Variants in PTPRD observed in about 807,000 individuals in gnomAD.
PTPRD encodes receptor-type tyrosine-protein phosphatase delta.
A neutral mutation model predicts 214.5 loss-of-function variants in PTPRD; 34 were observed. That is an observed-to-expected ratio of 0.16 (90% CI 0.12 to 0.21). The LOEUF is 0.21. PTPRD is among the 10% of genes least tolerant of loss of function. The pLI is 1.00. For missense variants in PTPRD, 2,545 were observed against 2,398.7 expected, an observed-to-expected ratio of 1.06 and a Z score of -1.27; for synonymous variants, 1,128 against 845.7, an observed-to-expected ratio of 1.33 and a Z score of -5.79.
At chr9:8,706,578 T>C (rs140489291) in intron 12 of PTPRD, among the ~76,000 whole-genome samples, 8 of 152,228 alleles carry the variant, frequency 5.3e-5, no homozygotes, top group African/African-American at 1.7e-4. Context: ...AGAGCGATTA[T>C]CCCAAGGCTC....
intron 11 of PTPRD, among the ~76,000 whole-genome samples, chr9:8,744,112 G>T (rs1175933764): frequency 6.6e-6 from 1 of 152,102 alleles, no homozygotes; most frequent in Non-Finnish European, 1.5e-5. Flanking sequence ...CCTCGGTCCT[G>T]CAACAATGGT....
At chr9:8,448,736 T>G (rs1324110825) in intron 34 of PTPRD, among the ~76,000 whole-genome samples, 1 of 152,302 alleles carries the variant, frequency 6.6e-6, no homozygotes, top group East Asian at 1.9e-4. Flanking sequence ...AGAGAAAATA[T>G]GCTGAACATA....
chr9:9,656,159 T>C (rs2154376470), intron 7 of PTPRD, among the ~76,000 whole-genome samples: 1 of 152,300 alleles, frequency 6.6e-6, no homozygotes, highest in Non-Finnish European at 1.5e-5. Context: ...GAAATTATCA[T>C]TTATTTCCAG....
chr9:10,178,038 C>A (rs2099259679), intron 3 of PTPRD, among the ~76,000 whole-genome samples: 1 of 151,848 alleles, frequency 6.6e-6, no homozygotes, highest in Admixed American at 6.6e-5. Context: ...CTTAGTGAAT[C>A]ATTACTTGCA....
intron 11 of PTPRD, among the ~76,000 whole-genome samples, chr9:8,965,377 T>A (rs1335037810): frequency 7.1e-6 from 1 of 141,152 alleles, no homozygotes; most frequent in South Asian, 2.4e-4. Flanking sequence ...AATACTCTGC[T>A]TCAGAAAAAA....
At chr9:8,696,301 C>T (rs923629948) in intron 12 of PTPRD, among the ~76,000 whole-genome samples, 2 of 152,202 alleles carry the variant, frequency 1.3e-5, no homozygotes, top group African/African-American at 4.8e-5. Flanking sequence ...AGGAGTAAAT[C>T]ATCTTCAGTG....
At chr9:8,343,523 T>C (rs560819785) in intron 39 of PTPRD, among the ~76,000 whole-genome samples, 29 of 152,002 alleles carry the variant, frequency 1.9e-4, no homozygotes, top group African/African-American at 6.8e-4. Flanking sequence ...ATCCATGAAG[T>C]CTCATTTTAT....
chr9:10,453,979 C>T lies in PTPRD; in HGVS notation c.-599-112962G>A, dbSNP rs577474866. Among the ~76,000 whole-genome samples, 8 of 151,568 alleles carry T rather than the reference C, an allele frequency of 5.3e-5. No homozygotes were observed. The South Asian group carries it at 1.7e-3, about 32-fold the overall frequency. Reference sequence around the variant, plus strand: ...TGTTGAGGTTACCCCAAACAATAGGCTGGTATTTAAAGTTCTTTTGTGATT... The same window carrying T: ...TGTTGAGGTTACCCCAAACAATAGGTTGGTATTTAAAGTTCTTTTGTGATT... On this transcript the variant is annotated intron_variant, in intron 2 of 45. Coordinates refer to ENST00000381196, the MANE Select transcript of PTPRD (RefSeq NM_002839.4).
At chr9:9,424,170 G>A (rs926717288) in intron 8 of PTPRD, among the ~76,000 whole-genome samples, 1 of 152,188 alleles carries the variant, frequency 6.6e-6, no homozygotes, top group Non-Finnish European at 1.5e-5. Context: ...AGAGCTGCCC[G>A]TGGAATGGCT....
intron 7 of PTPRD, among the ~76,000 whole-genome samples, chr9:9,619,206 A>G (rs2095085503): frequency 6.6e-6 from 1 of 152,222 alleles, no homozygotes; most frequent in South Asian, 2.1e-4. Context: ...AAGAAAGGTG[A>G]CAGCTATAGT....
chr9:9,108,034 CCTCATGT>C (rs2099801108), intron 10 of PTPRD, among the ~76,000 whole-genome samples: 1 of 152,064 alleles, frequency 6.6e-6, no homozygotes, highest in Non-Finnish European at 1.5e-5. Context: ...CATGCTTCTT[CCTCATGT>C]CTTTGAAATC....
chr9:8,813,772 C>T (rs2096865165), intron 11 of PTPRD, among the ~76,000 whole-genome samples: 1 of 152,166 alleles, frequency 6.6e-6, no homozygotes, highest in Non-Finnish European at 1.5e-5. Flanking sequence ...TTGCTGAGTT[C>T]CTGAGCTACT....
At chr9:9,524,035 T>G (rs1294198957) in intron 8 of PTPRD, among the ~76,000 whole-genome samples, 1 of 152,122 alleles carries the variant, frequency 6.6e-6, no homozygotes, top group African/African-American at 2.4e-5. Context: ...GGGCAGTGAA[T>G]GCAAAACAGA....
chr9:8,341,302 C>G, intron 40 of PTPRD, 34 bp from the exon 41 acceptor site: 1 of 1,541,510 alleles, frequency 6.5e-7, no homozygotes, highest in Non-Finnish European at 8.7e-7. Flanking sequence ...AGGAAAAACC[C>G]AACAAAGATC....
At chr9:9,861,203 A>T (rs1391124930) in intron 5 of PTPRD, among the ~76,000 whole-genome samples, 1 of 152,196 alleles carries the variant, frequency 6.6e-6, no homozygotes, top group Non-Finnish European at 1.5e-5. Context: ...ATATTCTATT[A>T]CCCCACTGAG....
chr9:9,521,337 G>A (rs184858431), intron 8 of PTPRD, among the ~76,000 whole-genome samples: 48 of 152,146 alleles, frequency 3.2e-4, no homozygotes, highest in African/African-American at 1.1e-3. Flanking sequence ...TTCCACCTCT[G>A]CTACTTAGTA....
At chr9:10,018,072 A>C (rs2096760416) in intron 4 of PTPRD, among the ~76,000 whole-genome samples, 1 of 152,088 alleles carries the variant, frequency 6.6e-6, no homozygotes, top group Admixed American at 6.6e-5. Flanking sequence ...ACTTTTGATT[A>C]GTAATTTCAT....
intron 5 of PTPRD, among the ~76,000 whole-genome samples, chr9:9,798,621 A>AT (rs1266753015): frequency 6.6e-6 from 1 of 152,170 alleles, no homozygotes; most frequent in African/African-American, 2.4e-5. Flanking sequence ...AAGATGCCAT[A>AT]TTTTGGGGTA....
intron 2 of PTPRD, among the ~76,000 whole-genome samples, chr9:10,399,217 T>C (rs926237080): frequency 6.6e-6 from 1 of 151,920 alleles, no homozygotes; most frequent in African/African-American, 2.4e-5. Context: ...TAGAGAAGGA[T>C]TGCAAAGATG....
Sources: allele counts gnomAD v4.1 joint callset (sites outside exome capture counted in the v4.1 genomes callset), GRCh38; gene constraint gnomAD v4.1.1; transcripts MANE v1.5; gene names NCBI Gene and HGNC (gene_info 2026-07-23, HGNC 2026-07-21).